The following TEX11 variants were observed in gnomAD, a reference collection of about 807,000 sequenced individuals.
TEX11 encodes testis expressed 11.
TEX11 carries 7 observed loss-of-function variants against 84.4 expected under a neutral mutation model. The ratio of observed to expected loss-of-function variants is 0.08; its 90% CI spans 0.05 to 0.16. TEX11 has a LOEUF of 0.16. TEX11 is among the 10% of genes least tolerant of loss of function. TEX11 has a pLI of 1.00. For missense variants in TEX11, 551 were observed against 660.5 expected, an observed-to-expected ratio of 0.83 and a Z score of 1.82; for synonymous variants, 264 against 222.8, an observed-to-expected ratio of 1.18 and a Z score of -1.64.
At chrX:70,692,660 C>CGT (rs1293087500) in intron 13 of TEX11, among the ~76,000 whole-genome samples, 1 of 108,352 alleles carries the variant, frequency 9.2e-6, no homozygotes, top group Non-Finnish European at 1.9e-5. Flanking sequence ...TATACGTTTG[C>CGT]GTGTGTGTAT....
chrX:70,809,615 A>G (rs2091240050), intron 8 of TEX11, among the ~76,000 whole-genome samples: 1 of 112,207 alleles, frequency 8.9e-6, no homozygotes, highest in African/African-American at 3.2e-5. Context: ...GAGCCAACTA[A>G]AATAACTGAA....
intron 17 of TEX11, 97 bp downstream of exon 17, chrX:70,651,350 CTAT>C: frequency 2.0e-6 from 1 of 511,096 alleles, no homozygotes. Context: ...ATATTCAATT[CTAT>C]TGTCTTAAAA....
Position 70,651,648 on chromosome X carries a change from G to T in TEX11, c.1381-96C>A, listed in dbSNP as rs1006733309. On this transcript the variant is annotated intron_variant, in intron 16 of 29. Coordinates refer to ENST00000374333, the MANE Select transcript of TEX11 (RefSeq NM_031276.3). The stretch of plus-strand genomic sequence containing the variant: ...ATTAAGGTAGTCAAAATGGCTGAGG[G>T]ATACTCACAATGAAAATATATGAAT... 21 of 554,106 alleles carry T rather than the reference G, an allele frequency of 3.8e-5. No individual in the cohort carries two copies. The African/African-American group carries it at 4.3e-4, about 11-fold the overall frequency. The allele number at this position is 554,106 out of a possible 1,213,427, so 45.7% of individuals were successfully genotyped here.
intron 20 of TEX11, among the ~76,000 whole-genome samples, chrX:70,620,569 A>T (rs139250655): frequency 0.013 from 1,489 of 111,539 alleles, 19 homozygotes; most frequent in African/African-American, 0.046. Flanking sequence ...AACCAAACAT[A>T]CATAGTCTTA....
At chrX:70,816,229 G>A (rs2091285496) in intron 8 of TEX11, among the ~76,000 whole-genome samples, 1 of 111,826 alleles carries the variant, frequency 8.9e-6, no homozygotes, top group East Asian at 2.8e-4. Context: ...GTCTCCAATA[G>A]GATTAGAGGC....
At chrX:70,628,099 G>A (rs970270584) in intron 18 of TEX11, among the ~76,000 whole-genome samples, 1 of 109,686 alleles carries the variant, frequency 9.1e-6, no homozygotes, top group Non-Finnish European at 1.9e-5. Context: ...TGTGGCTGGC[G>A]CACACCTGTA....
chrX:70,819,932 A>G (rs2091309767), intron 8 of TEX11, among the ~76,000 whole-genome samples: 1 of 111,796 alleles, frequency 8.9e-6, no homozygotes, highest in African/African-American at 3.2e-5. Flanking sequence ...ACATAGATAA[A>G]TGGAAATACA....
At chrX:70,863,745 A>T (rs746182686) in intron 4 of TEX11, among the ~76,000 whole-genome samples, 8 of 111,738 alleles carry the variant, frequency 7.2e-5, no homozygotes, top group African/African-American at 2.6e-4. Context: ...AATTGACAGA[A>T]GTAGGCTCCA....
intron 23 of TEX11, 115 bp downstream of exon 23, chrX:70,606,844 T>C (rs1321274271): frequency 5.0e-6 from 2 of 398,654 alleles, no homozygotes; most frequent in Non-Finnish European, 8.3e-6. Flanking sequence ...ACATATATAT[T>C]AAAAGTTCCT....
At chrX:70,551,038 G>A (rs1191396715) in intron 28 of TEX11, among the ~76,000 whole-genome samples, 1 of 111,110 alleles carries the variant, frequency 9.0e-6, no homozygotes, top group African/African-American at 3.3e-5. Context: ...AAGAAAATGT[G>A]GTACCTATAC....
intron 8 of TEX11, among the ~76,000 whole-genome samples, chrX:70,831,730 T>C (rs2091377869): frequency 9.0e-6 from 1 of 111,446 alleles, no homozygotes; most frequent in Non-Finnish European, 1.9e-5. Context: ...ATTATAATAA[T>C]GTATTGTATA....
chrX:70,656,552 A>G (rs1569383846), intron 16 of TEX11, among the ~76,000 whole-genome samples: 1 of 112,153 alleles, frequency 8.9e-6, no homozygotes, highest in Non-Finnish European at 1.9e-5. Context: ...AAAACCACAG[A>G]CAGCGTTTAT....
At chrX:70,669,674 C>G (rs888551925) in intron 16 of TEX11, among the ~76,000 whole-genome samples, 10 of 112,751 alleles carry the variant, frequency 8.9e-5, no homozygotes, top group Non-Finnish European at 1.3e-4. Flanking sequence ...CCTTAATCAC[C>G]TAGGTGAACA....
At chrX:70,567,094 T>C (rs775683826) in intron 25 of TEX11, among the ~76,000 whole-genome samples, 2 of 111,465 alleles carry the variant, frequency 1.8e-5, no homozygotes, top group East Asian at 5.6e-4. Context: ...CTGTTATTGG[T>C]CTATTCAGTG....
At chrX:70,511,752 C>CA in the TEX11 span, among the ~76,000 whole-genome samples, 358 of 32,601 alleles carry the variant, frequency 0.011, 23 homozygotes, top group Non-Finnish European at 0.016. Context: ...GACTCCATCT[C>CA]AAAAAAAAAA....
At chrX:70,661,603 A>G (rs1432531416) in intron 16 of TEX11, among the ~76,000 whole-genome samples, 3 of 111,978 alleles carry the variant, frequency 2.7e-5, no homozygotes, top group Non-Finnish European at 5.7e-5. Context: ...ACCCCCAAGT[A>G]GCCTAACTGG....
chrX:70,644,744 G>A (rs1165768200), intron 17 of TEX11, among the ~76,000 whole-genome samples: 2 of 82,361 alleles, frequency 2.4e-5, no homozygotes, highest in Admixed American at 2.9e-4. Flanking sequence ...GACACAGGAA[G>A]GGGAACATCA....
chrX:70,573,033 A>T (rs2088626630), intron 25 of TEX11, among the ~76,000 whole-genome samples: 1 of 111,889 alleles, frequency 8.9e-6, no homozygotes, highest in Non-Finnish European at 1.9e-5. Flanking sequence ...TTCCAGATTC[A>T]CATTTGTCCT....
intron 9 of TEX11, among the ~76,000 whole-genome samples, chrX:70,798,946 A>G (rs1459260642): frequency 2.7e-5 from 3 of 111,449 alleles, no homozygotes; most frequent in African/African-American, 9.7e-5. Context: ...TTTTTTAGAT[A>G]TGACCCCCAA....
Sources: gnomAD v4.1 joint callset for allele counts (sites outside exome capture counted in the v4.1 genomes callset) on GRCh38, gnomAD v4.1.1 for gene constraint, MANE v1.5 for transcripts, NCBI Gene and HGNC (gene_info 2026-07-23, HGNC 2026-07-21) for gene names.